The following G3BP2 variants were observed in gnomAD, a reference collection of about 807,000 sequenced individuals.
The protein encoded by G3BP2 is ras GTPase-activating protein-binding protein 2.
A neutral mutation model predicts 56.7 loss-of-function variants in G3BP2; 11 were observed. The ratio of observed to expected loss-of-function variants is 0.19; its 90% confidence interval spans 0.12 to 0.32. The LOEUF (loss-of-function observed/expected upper bound fraction) is 0.32, where lower values mean the gene tolerates loss of function less well. Among genes scored for constraint, G3BP2 ranks in the 10% least tolerant of loss-of-function variants. G3BP2 has a pLI of 1.00. For synonymous variants in G3BP2, 165 were observed against 191.6 expected (o/e 0.86, Z 1.15); for missense variants, 340 against 610.9 (o/e 0.56, Z 4.67).
intron 8 of G3BP2, among the ~76,000 whole-genome samples, chr4:75,650,389 G>A (rs1731584527): frequency 8.0e-6 from 1 of 125,126 alleles, no homozygotes; most frequent in Non-Finnish European, 1.6e-5. Context: ...GCAGATCATT[G>A]TACTCCAGCC....
At chr4:75,704,447 A>C (rs920382137) in intron 3 of G3BP2, among the ~76,000 whole-genome samples, 5 of 151,692 alleles carry the variant, frequency 3.3e-5, no homozygotes, top group African/African-American at 1.2e-4. Context: ...CCTCCTGAGT[A>C]GCTGGGACCA....
Position 75,657,024 on chromosome 4 carries a change from A to G in G3BP2, c.352-10T>C. Reference sequence around the variant, plus strand: ...TATTTGGAACAGATCCCTATAGGAAACAACATTTATTCCATAAATATCCAG... The same window carrying G: ...TATTTGGAACAGATCCCTATAGGAAGCAACATTTATTCCATAAATATCCAG... On this transcript the variant is annotated splice_polypyrimidine_tract_variant and intron_variant, in intron 4 of 11. Transcript: ENST00000359707. 1 of 1,134,664 alleles carries G rather than the reference A, an allele frequency of 8.8e-7. No individual in the cohort carries two copies. Among genetic ancestry groups the G allele is most frequent in the Non-Finnish European group, 1.3e-6 (1 of 770,484 alleles). The allele number at this position is 1,134,664 out of a possible 1,614,324, so 70.3% of individuals were successfully genotyped here.
chr4:75,671,376 G>A (rs1733475929), intron 1 of G3BP2, among the ~76,000 whole-genome samples: 1 of 152,204 alleles, frequency 6.6e-6, no homozygotes, highest in Admixed American at 6.5e-5. Context: ...GCAGGATAAG[G>A]AGGGAAGTTT....
rs538857864 is a variant in G3BP2 at position 75,651,238 on chromosome 4, A to G, written c.826-2497T>C. ...TGTATTACTGGCAATTAATAAAAAC[A>G]CTAAATGCACCTTTATTACAAAATT... is the stretch of plus-strand genomic sequence containing the variant. On this transcript the variant is annotated intron_variant, in intron 8 of 11. Coordinates refer to ENST00000359707, the MANE Select transcript of G3BP2 (RefSeq NM_203505.3). Among the ~76,000 whole-genome samples, 13 of 152,370 alleles carry G rather than the reference A, an allele frequency of 8.5e-5. No individual in the cohort carries two copies. In the East Asian group the frequency reaches 2.5e-3, roughly 29 times the overall value.
At chr4:75,700,627 G>A (rs1182233118) in intron 3 of G3BP2, among the ~76,000 whole-genome samples, 4 of 149,282 alleles carry the variant, frequency 2.7e-5, no homozygotes, top group Admixed American at 1.3e-4. Context: ...CACCATGTTG[G>A]TCAGGCTGGT....
At chr4:75,648,577 A>T in intron 9 of G3BP2, 62 bp downstream of exon 9, 1 of 855,388 alleles carries the variant, frequency 1.2e-6, no homozygotes, top group Admixed American at 2.0e-5. Context: ...TTTTTGTTTA[A>T]GTTCAGTCTT....
chr4:75,690,848 G>A lies in G3BP2; in HGVS notation c.-24-28799C>T, dbSNP rs111605137. 4.6e-5 allele frequency among the ~76,000 whole-genome samples: 7 copies of A among 152,016 alleles called. 1 individual carries two copies. The highest frequency in any genetic ancestry group is 1.7e-4 in the African/African-American group (7 of 41,472). On this transcript the variant is annotated intron_variant, in intron 3 of 3. Coordinates refer to the G3BP2 transcript ENST00000499709. ...TGGAGAGCTGGGATTACAGGTGTGA[G>A]CCACCGTACCAGGGAGACAAAAATG...
chr4:75,658,727 CAA>C (rs957118245), intron 3 of G3BP2, 114 bp downstream of exon 3: 15 of 598,276 alleles, frequency 2.5e-5, no homozygotes, highest in African/African-American at 1.4e-4. Context: ...AACTCCGTCT[CAA>C]AAAAAAAAGA....
At chr4:75,656,064 C>T (rs919951429) in intron 5 of G3BP2, among the ~76,000 whole-genome samples, 194 bp from the exon 6 acceptor site, 1 of 149,176 alleles carries the variant, frequency 6.7e-6, no homozygotes. Context: ...GATCTTGGCT[C>T]ACTGCAACCT....
chr4:75,649,331 G>C (rs1361058104), intron 8 of G3BP2, among the ~76,000 whole-genome samples: 3 of 152,136 alleles, frequency 2.0e-5, no homozygotes, highest in Non-Finnish European at 4.4e-5. Context: ...GAAACTTATA[G>C]GAACTTGTAT....
intron 3 of G3BP2, among the ~76,000 whole-genome samples, chr4:75,707,603 CAAA>C (rs34253273): frequency 1.7e-5 from 2 of 116,788 alleles, no homozygotes; most frequent in Non-Finnish European, 1.8e-5. Flanking sequence ...GAGCGAGACT[CAAA>C]AAAAAAAAAA....
At chr4:75,676,208 G>T (rs1272043026), upstream of G3BP2, among the ~76,000 whole-genome samples, 2 of 152,056 alleles carry the variant, frequency 1.3e-5, no homozygotes, top group Non-Finnish European at 2.9e-5. Flanking sequence ...CTCAAACATA[G>T]CCTCCATGAA....
intron 2 of G3BP2, 83 bp downstream of exon 2, chr4:75,661,848 G>A (rs773000685): frequency 2.6e-5 from 18 of 681,098 alleles, no homozygotes; most frequent in Non-Finnish European, 3.7e-5. Flanking sequence ...CAGATAATGA[G>A]GAGACAGGAA....
chr4:75,703,200 C>T (rs1030011140), intron 3 of G3BP2, among the ~76,000 whole-genome samples: 2 of 152,182 alleles, frequency 1.3e-5, no homozygotes, highest in Non-Finnish European at 2.9e-5. Context: ...AGACAGTTAA[C>T]ATTTCTTCTT....
At chr4:75,663,251 T>C (rs1732711129) in intron 1 of G3BP2, among the ~76,000 whole-genome samples, 1 of 152,096 alleles carries the variant, frequency 6.6e-6, no homozygotes, top group Non-Finnish European at 1.5e-5. Flanking sequence ...ATGAAATAAA[T>C]ACAATTTCCT....
At chr4:75,653,743 C>A (rs1031259293) in intron 8 of G3BP2, among the ~76,000 whole-genome samples, 1 of 151,960 alleles carries the variant, frequency 6.6e-6, no homozygotes, top group Non-Finnish European at 1.5e-5. Context: ...TTTTAAATGA[C>A]AATATTATAT....
At position 75,654,106 on chromosome 4, in the gene G3BP2, A is replaced by G. The variant is rs1252851022; in HGVS notation, c.727-25T>C. 4 of 1,048,180 alleles carry G rather than the reference A, an allele frequency of 3.8e-6. No homozygotes were observed. In the African/African-American group the frequency reaches 6.2e-5, roughly 16 times the overall value. 64.9% of individuals were successfully genotyped at this position (1,048,180 alleles called of 1,614,324 possible). On this transcript the variant is annotated intron_variant, in intron 7 of 11. Coordinates refer to ENST00000359707, the MANE Select transcript of G3BP2 (RefSeq NM_203505.3). ...CCTGCAGGAAATGCAACAAACCTAG[A>G]CTACTAATCATGGAAAACCACCAAC...
intron 2 of G3BP2, among the ~76,000 whole-genome samples, chr4:75,659,286 T>G (rs572464079): frequency 7.9e-5 from 12 of 152,280 alleles, no homozygotes; most frequent in Admixed American, 7.8e-4. Flanking sequence ...ATTGACCCTG[T>G]TTTTTTCTTC....
intron 8 of G3BP2, among the ~76,000 whole-genome samples, chr4:75,650,057 G>C (rs1731552549): frequency 6.6e-6 from 1 of 151,980 alleles, no homozygotes; most frequent in African/African-American, 2.4e-5. Context: ...CATCTCTGAG[G>C]ACCTCAGTCC....
Sources: gnomAD v4.1 joint callset for allele counts (sites outside exome capture counted in the v4.1 genomes callset) on GRCh38, gnomAD v4.1.1 for gene constraint, MANE v1.5 for transcripts, NCBI Gene and HGNC (gene_info 2026-07-23, HGNC 2026-07-21) for gene names.